Variants in ZBTB7C observed in about 807,000 individuals in gnomAD.
ZBTB7C encodes the protein zinc finger and BTB domain-containing protein 7C.
Under a neutral mutation model 25.7 loss-of-function variants are expected in ZBTB7C, and 8 were observed. That is an observed-to-expected ratio of 0.31 (90% CI 0.18 to 0.56). The LOEUF is 0.56. Ranked by LOEUF, ZBTB7C falls within the 20% of genes least tolerant of loss-of-function variation. The pLI, the probability that ZBTB7C is intolerant of heterozygous loss-of-function variation, is 0.91. For synonymous variants in ZBTB7C, 394 were observed against 369.0 expected (o/e 1.07, Z -0.78); for missense variants, 824 against 855.2 (o/e 0.96, Z 0.46).
chr18:48,175,967 G>C (rs2041661499), intron 3 of ZBTB7C, among the ~76,000 whole-genome samples: 1 of 152,182 alleles, frequency 6.6e-6, no homozygotes, highest in Admixed American at 6.5e-5. Flanking sequence ...GACTGGATGG[G>C]CCAAAAGTCA....
intron 3 of ZBTB7C, among the ~76,000 whole-genome samples, chr18:48,070,307 G>A (rs1039353441): frequency 6.6e-6 from 1 of 152,218 alleles, no homozygotes; most frequent in African/African-American, 2.4e-5. Context: ...CTACCTGCCT[G>A]GTTCTGGAGT....
intron 2 of ZBTB7C, among the ~76,000 whole-genome samples, chr18:48,202,905 C>T (rs971907332): frequency 1.3e-5 from 2 of 151,982 alleles, no homozygotes; most frequent in African/African-American, 4.8e-5. Flanking sequence ...CCTTCCCCTG[C>T]CTCCACAGAA....
rs940840790 is a variant in ZBTB7C at position 48,262,592 on chromosome 18, A to G, written c.-79+75582T>C. 2.0e-5 allele frequency among the ~76,000 whole-genome samples: 3 copies of G among 152,336 alleles called. No homozygotes were observed. In the East Asian group the frequency reaches 5.8e-4, roughly 29 times the overall value. Reference sequence around the variant, plus strand: ...GTGGTCTCATCTTGGAGTAAGCCCTACAGACTTACTTTATAAATAAGGAAA... The same window carrying G: ...GTGGTCTCATCTTGGAGTAAGCCCTGCAGACTTACTTTATAAATAAGGAAA... On this transcript the variant is annotated intron_variant, in intron 2 of 4. Transcript: ENST00000590800.
intron 1 of ZBTB7C, among the ~76,000 whole-genome samples, chr18:48,386,840 CGCTT>C (rs2047760392): frequency 3.3e-5 from 5 of 152,276 alleles, no homozygotes; most frequent in African/African-American, 9.6e-5. Context: ...ACTCAAATTG[CGCTT>C]TCTATCTTCC....
intron 1 of ZBTB7C, among the ~76,000 whole-genome samples, chr18:48,398,996 T>C (rs1164463611): frequency 6.6e-6 from 1 of 152,218 alleles, no homozygotes; most frequent in African/African-American, 2.4e-5. Context: ...AATCACTGGG[T>C]ATTGTATCAG....
chr18:48,292,891 G>A (rs1413164910), intron 2 of ZBTB7C, among the ~76,000 whole-genome samples: 11 of 152,066 alleles, frequency 7.2e-5, no homozygotes, highest in African/African-American at 2.7e-4. Flanking sequence ...TACTATTACT[G>A]CTGCTGCTAT....
intron 2 of ZBTB7C, among the ~76,000 whole-genome samples, chr18:48,288,207 A>G (rs570992511): frequency 6.6e-5 from 10 of 152,382 alleles, no homozygotes; most frequent in African/African-American, 2.4e-4. Flanking sequence ...TAGTTATAAT[A>G]TTACAGTGGA....
chr18:48,240,735 T>C (rs1429114927), intron 2 of ZBTB7C, among the ~76,000 whole-genome samples: 1 of 152,098 alleles, frequency 6.6e-6, no homozygotes, highest in African/African-American at 2.4e-5. Context: ...TACACCAAAA[T>C]AGAACCTCCT....
intron 2 of ZBTB7C, among the ~76,000 whole-genome samples, chr18:48,272,405 T>C (rs540186389): frequency 7.9e-5 from 12 of 152,308 alleles, no homozygotes; most frequent in African/African-American, 2.9e-4. Context: ...TCCAGCAAGA[T>C]GACAGGAAGG....
At chr18:48,116,986 T>C (rs1279283404) in intron 3 of ZBTB7C, among the ~76,000 whole-genome samples, 8 of 152,218 alleles carry the variant, frequency 5.3e-5, no homozygotes, top group African/African-American at 1.9e-4. Context: ...CACCTGGGCA[T>C]CTAAACAGCA....
chr18:48,280,852 T>C (rs1035322802), intron 2 of ZBTB7C, among the ~76,000 whole-genome samples: 6 of 142,520 alleles, frequency 4.2e-5, no homozygotes, highest in Non-Finnish European at 9.2e-5. Flanking sequence ...CTCTCTCTTT[T>C]TTTTTTTTTT....
chr18:48,408,024 T>C (rs926666381), intron 1 of ZBTB7C, among the ~76,000 whole-genome samples: 1 of 152,164 alleles, frequency 6.6e-6, no homozygotes, highest in Non-Finnish European at 1.5e-5. Context: ...TATCTTCTTT[T>C]AAGGGGTCTT....
intron 3 of ZBTB7C, among the ~76,000 whole-genome samples, chr18:48,136,507 G>T (rs61322349): frequency 0.58 from 87,355 of 151,710 alleles, 25,293 homozygotes; most frequent in Admixed American, 0.66. Context: ...CATGGCTTTT[G>T]TCCCCCCTCC....
At position 48,299,856 on chromosome 18, in the gene ZBTB7C, T is replaced by A. The variant is rs531255511; in HGVS notation, c.-79+38318A>T. Among the ~76,000 whole-genome samples, 4 of 152,342 alleles carry A rather than the reference T, an allele frequency of 2.6e-5. No individual in the cohort carries two copies. In the East Asian group the frequency reaches 7.7e-4, roughly 29 times the overall value. Reference sequence around the variant, plus strand: ...TAATATCATCTGACATTGGATACAATTTTTTATGCCACATTTATCCCCAAA... The same window carrying A: ...TAATATCATCTGACATTGGATACAAATTTTTATGCCACATTTATCCCCAAA... On this transcript the variant is annotated intron_variant, in intron 2 of 4. Transcript: ENST00000590800.
intron 2 of ZBTB7C, among the ~76,000 whole-genome samples, chr18:48,207,803 G>A (rs1163847000): frequency 2.0e-5 from 3 of 152,116 alleles, no homozygotes; most frequent in Admixed American, 6.5e-5. Flanking sequence ...TGGCATGATT[G>A]CATTTATATA....
At chr18:48,212,770 G>C (rs1277878363) in intron 2 of ZBTB7C, among the ~76,000 whole-genome samples, 2 of 152,146 alleles carry the variant, frequency 1.3e-5, no homozygotes, top group Non-Finnish European at 2.9e-5. Flanking sequence ...TCTAAGCTGA[G>C]AGACTGTCCA....
chr18:48,280,028 T>C (rs1568348843), intron 2 of ZBTB7C, among the ~76,000 whole-genome samples: 1 of 152,202 alleles, frequency 6.6e-6, no homozygotes. Flanking sequence ...TGCCAGGCAC[T>C]GTGCAAGGTG....
At chr18:48,116,699 C>G (rs1413341607) in intron 3 of ZBTB7C, among the ~76,000 whole-genome samples, 1 of 152,140 alleles carries the variant, frequency 6.6e-6, no homozygotes, top group Non-Finnish European at 1.5e-5. Flanking sequence ...CACTGCTTGC[C>G]TGGCCCTGGG....
At chr18:48,052,792 T>C (rs1324744418) in intron 3 of ZBTB7C, among the ~76,000 whole-genome samples, 1 of 152,200 alleles carries the variant, frequency 6.6e-6, no homozygotes. Flanking sequence ...TCTTCTTTTA[T>C]ATAAGACTAG....
Sources: allele counts gnomAD v4.1 joint callset (sites outside exome capture counted in the v4.1 genomes callset), GRCh38; gene constraint gnomAD v4.1.1; transcripts MANE v1.5; gene names NCBI Gene and HGNC (gene_info 2026-07-23, HGNC 2026-07-21).